ALS2CL: variants seen among roughly 807,000 people sequenced by gnomAD.
ALS2CL encodes the protein ALS2 C-terminal like, also known as ALS2 C-terminal-like protein.
In ALS2CL, 112 loss-of-function variants were observed where a neutral mutation model predicts 127.9. The ratio of observed to expected loss-of-function variants is 0.88; its 90% CI spans 0.75 to 1.02. The LOEUF (loss-of-function observed/expected upper bound fraction) is 1.02. ALS2CL is among the 50% of genes least tolerant of loss of function. The pLI is 0.00. For missense variants in ALS2CL, 1,174 were observed against 1,236.7 expected (o/e 0.95, Z 0.76); for synonymous variants, 519 against 527.6 (o/e 0.98, Z 0.22).
At position 46,681,239 on chromosome 3, in the gene ALS2CL, C is replaced by A; in HGVS notation, c.1436+7G>T. Reference sequence around the variant, plus strand: ...CGTCCTGGGAGTGGTGGCTGCAGGGCGCTCACCTGTCACCATCCTCCTCAA... The same window carrying A: ...CGTCCTGGGAGTGGTGGCTGCAGGGAGCTCACCTGTCACCATCCTCCTCAA... On this transcript the variant is annotated splice_region_variant and intron_variant, in intron 13 of 25. Coordinates refer to ENST00000318962, the MANE Select transcript of ALS2CL (RefSeq NM_147129.5). The surrounding 1 kb of genome is among the most constrained non-coding windows in gnomAD (Gnocchi z 4.9). 2 of 1,613,594 alleles carry A rather than the reference C, an allele frequency of 1.2e-6. No individual in the cohort carries two copies. The highest frequency in any genetic ancestry group is 1.7e-6 in the Non-Finnish European group (2 of 1,179,954).
chr3:46,671,012 C>T lies in ALS2CL; in HGVS notation c.2834G>A (p.Gly945Asp). ...CCAGAGCTCCCTGGAGTGCCAGTGGCCAGGTAAGCGGTGCAGCCTCATGTC... is the reference window on the plus strand; with the variant it reads ...CCAGAGCTCCCTGGAGTGCCAGTGGTCAGGTAAGCGGTGCAGCCTCATGTC... ...KEDMRLHRLP[G>D]HWHSRELW Residue 945 changes from glycine to aspartate, a missense_variant, in exon 26 of 26, where the codon GGC (glycine) becomes GAC (aspartate). Gly to Asp is a moderately conservative substitution (Grantham distance 94, BLOSUM62 -1). Coordinates refer to ENST00000318962, the MANE Select transcript of ALS2CL (RefSeq NM_147129.5). The T allele has an allele frequency of 6.2e-7, 1 of 1,614,188 alleles. No individual in the cohort carries two copies. The highest frequency in any genetic ancestry group is 8.5e-7 in the Non-Finnish European group (1 of 1,180,022).
At chr3:46,685,445 T>A (rs1466279212) in intron 7 of ALS2CL, 80 bp downstream of exon 7, 4 of 1,569,594 alleles carry the variant, frequency 2.5e-6, no homozygotes, top group African/African-American at 1.3e-5. Context: ...CCCAGCAGCA[T>A]GCCCCTTTAC....
At chr3:46,677,975 TA>T (rs1189192054) in intron 16 of ALS2CL, among the ~76,000 whole-genome samples, 2 of 131,514 alleles carry the variant, frequency 1.5e-5, no homozygotes, top group African/African-American at 5.9e-5. Flanking sequence ...GTTTGGTTTG[TA>T]AACCGTATTG....
intron 1 of ALS2CL, among the ~76,000 whole-genome samples, chr3:46,691,034 G>T (rs962509699): frequency 1.2e-4 from 19 of 152,204 alleles, no homozygotes; most frequent in African/African-American, 4.6e-4. Context: ...GAAGCCACCA[G>T]ACACCCAGCT....
intron 1 of ALS2CL, among the ~76,000 whole-genome samples, chr3:46,690,508 A>T (rs1700091446): frequency 6.6e-6 from 1 of 152,152 alleles, no homozygotes; most frequent in African/African-American, 2.4e-5. Flanking sequence ...GGGTGAAGAG[A>T]GGCCTGGGCT....
At chr3:46,680,912 C>T (rs1053398298) in intron 13 of ALS2CL, 7 of 540,452 alleles carry the variant, frequency 1.3e-5, no homozygotes, top group Admixed American at 6.3e-5. Flanking sequence ...GAGAAGCAGG[C>T]GAGGCTGTGA....
At chr3:46,672,326 C>T in intron 22 of ALS2CL, 125 bp from the exon 23 acceptor site, 1 of 1,212,700 alleles carries the variant, frequency 8.2e-7, no homozygotes, top group South Asian at 1.4e-5. Flanking sequence ...AGTGCAGCCC[C>T]ACCCTGAGGG....
chr3:46,675,958 G>A, intron 19 of ALS2CL: 1 of 1,422,568 alleles, frequency 7.0e-7, no homozygotes, highest in Non-Finnish European at 9.1e-7. Flanking sequence ...TGTGTTCCGA[G>A]TCCAGGGCCA....
Position 46,677,040 on chromosome 3 carries a change from G to A in ALS2CL, c.1758-18C>T, listed in dbSNP as rs1362976880. 6.3e-7 allele frequency: 1 copy of A among 1,584,118 alleles called. No homozygotes were observed. Among genetic ancestry groups the A allele is most frequent in the East Asian group, 2.2e-5 (1 of 44,728 alleles). ...CCAGCTGCCTGCGATGGGGATGGAG[G>A]GTGGGTGATGGGGCAGAGAGAGATG... On this transcript the variant is annotated intron_variant, in intron 16 of 25. Coordinates refer to ENST00000318962, the MANE Select transcript of ALS2CL (RefSeq NM_147129.5).
chr3:46,693,328 G>T (rs1054840689), intron 1 of ALS2CL, among the ~76,000 whole-genome samples: 1 of 152,232 alleles, frequency 6.6e-6, no homozygotes, highest in African/African-American at 2.4e-5. Flanking sequence ...GGGCCCTTCC[G>T]CCCTAACCAG....
chr3:46,673,294 G>A (rs1237162551), intron 22 of ALS2CL, 45 bp downstream of exon 22: 2 of 1,535,230 alleles, frequency 1.3e-6, no homozygotes, highest in Non-Finnish European at 1.8e-6. Context: ...AAAGCCTGCA[G>A]GACCTCTGGG....
intron 2 of ALS2CL, among the ~76,000 whole-genome samples, 166 bp from the exon 3 acceptor site, chr3:46,688,462 C>T (rs1334838131): frequency 6.6e-6 from 1 of 152,156 alleles, no homozygotes; most frequent in Non-Finnish European, 1.5e-5. Context: ...TTGGTGAACC[C>T]TAGAGCTGAG....
intron 19 of ALS2CL, 128 bp downstream of exon 19, chr3:46,676,117 A>T: frequency 6.9e-7 from 1 of 1,450,174 alleles, no homozygotes; most frequent in Non-Finnish European, 9.2e-7. Flanking sequence ...CTGCACACTG[A>T]CCAAGCCTCT....
At chr3:46,674,030 CTGGGGTGTGGTAAACA>C (rs1417977594) in intron 21 of ALS2CL, among the ~76,000 whole-genome samples, 1 of 152,106 alleles carries the variant, frequency 6.6e-6, no homozygotes, top group African/African-American at 2.4e-5. Context: ...AAGGGAGGCC[CTGGGGTGTGGTAAACA>C]CCTCCCGACA....
In ALS2CL at chr3:46,670,804, ACCCGTCACC is replaced by A; in HGVS notation, c.*171_*179del. 1.6e-6 allele frequency: 1 copy of A among 611,814 alleles called. No individual in the cohort carries two copies. The highest frequency in any genetic ancestry group is 1.9e-5 in the South Asian group (1 of 52,762). 37.9% of individuals were successfully genotyped at this position (611,814 alleles called of 1,614,324 possible). A position where few individuals can be genotyped will look rare whatever the true frequency, so the allele number is the denominator to read the frequency against. ...GGAAAACCACCACATCCAGGGCCAC[ACCCGTCACC>A]CCTCACCCTCATCCCAGTCAGGGCA... On this transcript the variant is annotated 3_prime_UTR_variant, in exon 26 of 26. Coordinates refer to ENST00000318962, the MANE Select transcript of ALS2CL (RefSeq NM_147129.5). The surrounding 1 kb of genome is among the most constrained non-coding windows in gnomAD (Gnocchi z 5.5).
At chr3:46,683,681 G>A (rs1324382561) in intron 9 of ALS2CL, 101 bp downstream of exon 9, 21 of 1,427,392 alleles carry the variant, frequency 1.5e-5, no homozygotes, top group South Asian at 2.3e-5. Flanking sequence ...CCAGACACTC[G>A]CCGGCACTCC....
Position 46,676,234 on chromosome 3 carries a change from A to G in ALS2CL, c.2186+11T>C. The stretch of plus-strand genomic sequence containing the variant: ...CAGGGCAGTAGCTGTCCCGTTTGCC[A>G]CCGAGCCCACCTGTAGGCAGCCCAG... On this transcript the variant is annotated intron_variant, in intron 19 of 25. Coordinates refer to ENST00000318962, the MANE Select transcript of ALS2CL (RefSeq NM_147129.5). 3 of 1,610,436 alleles carry G rather than the reference A, an allele frequency of 1.9e-6. No homozygotes were observed. The highest frequency in any genetic ancestry group is 2.5e-6 in the Non-Finnish European group (3 of 1,178,284).
chr3:46,674,967 C>A, intron 20 of ALS2CL: 1 of 451,816 alleles, frequency 2.2e-6, no homozygotes, highest in Non-Finnish European at 3.9e-6. Context: ...GCAGGTGGGG[C>A]AGGAGTTGGA....
chr3:46,692,940 C>T (rs1194129709), intron 1 of ALS2CL, among the ~76,000 whole-genome samples: 1 of 152,212 alleles, frequency 6.6e-6, no homozygotes, highest in African/African-American at 2.4e-5. Context: ...CTGGTCTGAA[C>T]AGGCAGGGAA....
Sources: gnomAD v4.1 joint callset for allele counts (sites outside exome capture counted in the v4.1 genomes callset) on GRCh38, gnomAD v4.1.1 for gene constraint, Gnocchi (gnomAD v3.1) non-coding constraint, MANE v1.5 for transcripts, NCBI Gene and HGNC (gene_info 2026-07-23, HGNC 2026-07-21) for gene names.